Variants in RBFOX1 observed in about 807,000 individuals in gnomAD.
The protein encoded by RBFOX1 is RNA binding fox-1 homolog 1.
RBFOX1 carries 8 observed loss-of-function variants against 57.7 expected under a neutral mutation model. The ratio of observed to expected loss-of-function variants is 0.14; its 90% CI spans 0.08 to 0.25. The LOEUF (loss-of-function observed/expected upper bound fraction) is 0.25. RBFOX1 is among the 10% of genes least tolerant of loss of function. RBFOX1 has a pLI of 1.00. For missense variants in RBFOX1, 611 were observed against 548.5 expected (o/e 1.11, Z -1.14); for synonymous variants, 326 against 222.4 (o/e 1.47, Z -4.15).
At chr16:6,210,286 C>T (rs866956072) in intron 1 of RBFOX1, among the ~76,000 whole-genome samples, 48 of 134,230 alleles carry the variant, frequency 3.6e-4, no homozygotes, top group Middle Eastern at 4.4e-3. Context: ...CATTGCATTC[C>T]GGCCTGGGTG....
At chr16:7,504,069 AT>A (rs2071926233) in intron 4 of RBFOX1, among the ~76,000 whole-genome samples, 1 of 152,192 alleles carries the variant, frequency 6.6e-6, no homozygotes, top group Non-Finnish European at 1.5e-5. Context: ...TTATTTGAAA[AT>A]AAAAAATTAA....
intron 3 of RBFOX1, among the ~76,000 whole-genome samples, chr16:5,802,083 C>T (rs2055077488): frequency 6.6e-6 from 1 of 152,050 alleles, no homozygotes. Context: ...TGGAAGCAGA[C>T]GTGTAATAAG....
In RBFOX1 at chr16:5,856,023, A is replaced by T. The variant is rs184485249; in HGVS notation, c.319-11280A>T. 2.3e-3 allele frequency among the ~76,000 whole-genome samples: 243 copies of T among 107,800 alleles called. 2 individuals are homozygous for T. The highest frequency in any genetic ancestry group is 8.1e-3 in the African/African-American group (232 of 28,698). The allele number at this position is 107,800 out of a possible 152,430, so 70.7% of individuals were successfully genotyped here. A position where few individuals can be genotyped will look rare whatever the true frequency, so the allele number is the denominator to read the frequency against. On this transcript the variant is annotated intron_variant, in intron 3 of 19. Coordinates refer to the RBFOX1 transcript ENST00000641259. The stretch of plus-strand genomic sequence containing the variant: ...CTATCGTCAATAAGATTACTTTCCT[A>T]ATTTTCTTTCCAGTAGTTCATTCTT...
At position 7,688,180 on chromosome 16, in the gene RBFOX1, A is replaced by C. The variant is rs2076478809; in HGVS notation, c.995+11342A>C. Among the ~76,000 whole-genome samples, 2 of 150,906 alleles carry C rather than the reference A, an allele frequency of 1.3e-5. 1 individual carries two copies. Among genetic ancestry groups the C allele is most frequent in the South Asian group, 4.2e-4 (2 of 4,774 alleles). ...TACCAGGCCAGAAGACCAACTTCTC[A>C]GCTGTAGGGATTGCCTAGTAGGCAT... On this transcript the variant is annotated intron_variant, in intron 14 of 15. Transcript: ENST00000550418.
intron 11 of RBFOX1, among the ~76,000 whole-genome samples, chr16:7,641,531 A>C (rs1348135217): frequency 2.0e-5 from 3 of 152,218 alleles, no homozygotes; most frequent in African/African-American, 7.2e-5. Context: ...TATGCAACAT[A>C]GGCTCTTGAT....
At chr16:5,563,403 A>G (rs1243463374) in intron 2 of RBFOX1, among the ~76,000 whole-genome samples, 6 of 152,232 alleles carry the variant, frequency 3.9e-5, no homozygotes, top group Non-Finnish European at 8.8e-5. Flanking sequence ...TGGTATCGTT[A>G]TCTACTGAAC....
At chr16:5,812,395 C>T (rs530781517) in intron 3 of RBFOX1, among the ~76,000 whole-genome samples, 4 of 152,048 alleles carry the variant, frequency 2.6e-5, no homozygotes, top group Admixed American at 2.0e-4. Flanking sequence ...GTTACATTTC[C>T]ACCAGCAGTC....
intron 2 of RBFOX1, among the ~76,000 whole-genome samples, chr16:6,413,457 T>C (rs1175353543): frequency 6.6e-6 from 1 of 152,146 alleles, no homozygotes; most frequent in African/African-American, 2.4e-5. Flanking sequence ...AGCCACTGTG[T>C]CCAGCCAAAA....
At chr16:7,331,244 G>C (rs2096689705) in intron 4 of RBFOX1, among the ~76,000 whole-genome samples, 2 of 152,168 alleles carry the variant, frequency 1.3e-5, no homozygotes, top group African/African-American at 4.8e-5. Context: ...CCAATAGTTG[G>C]ATATGTTTGG....
At chr16:6,405,278 A>T (rs2093235842) in intron 2 of RBFOX1, among the ~76,000 whole-genome samples, 1 of 152,158 alleles carries the variant, frequency 6.6e-6, no homozygotes, top group South Asian at 2.1e-4. Context: ...TCCTCTGGAG[A>T]ATTTGATTTG....
chr16:6,399,806 T>C (rs1025243093), intron 2 of RBFOX1, among the ~76,000 whole-genome samples: 29 of 152,218 alleles, frequency 1.9e-4, no homozygotes, highest in African/African-American at 7.0e-4. Context: ...CAGTTCCACA[T>C]GGCTAAGGAG....
chr16:5,905,624 G>A (rs2058438269), intron 4 of RBFOX1, among the ~76,000 whole-genome samples: 1 of 152,118 alleles, frequency 6.6e-6, no homozygotes, highest in Non-Finnish European at 1.5e-5. Flanking sequence ...GAGCCTAGGA[G>A]GTCAAGGCTG....
At chr16:6,285,829 C>T (rs1567852096) in intron 1 of RBFOX1, among the ~76,000 whole-genome samples, 2 of 152,118 alleles carry the variant, frequency 1.3e-5, no homozygotes, top group Admixed American at 1.3e-4. Flanking sequence ...GGATCCCATC[C>T]AGAAGCATCT....
At chr16:6,384,165 T>C (rs2092072247) in intron 2 of RBFOX1, among the ~76,000 whole-genome samples, 1 of 152,014 alleles carries the variant, frequency 6.6e-6, no homozygotes, top group Admixed American at 6.5e-5. Flanking sequence ...AATCTAAGTA[T>C]TCAAGGTTAA....
chr16:6,904,014 C>T (rs1050513982), intron 3 of RBFOX1, among the ~76,000 whole-genome samples: 9 of 152,088 alleles, frequency 5.9e-5, no homozygotes, highest in Non-Finnish European at 1.0e-4. Context: ...CAAAACACAG[C>T]CTACAAATGC....
At position 6,566,191 on chromosome 16, in the gene RBFOX1, G is replaced by A. The variant is rs151199413; in HGVS notation, c.-63-88412G>A. 5.5e-3 allele frequency among the ~76,000 whole-genome samples: 838 copies of A among 152,276 alleles called. 7 individuals are homozygous for A. The highest frequency in any genetic ancestry group is 8.9e-3 in the Non-Finnish European group (603 of 68,020). On this transcript the variant is annotated intron_variant, in intron 2 of 15. Transcript: ENST00000550418. ...TAGGCAAGGAGGTACAATCACCTCC[G>A]TTGTTTTGAAGGAGAAACATAATTT...
At chr16:6,615,288 T>C (rs965301681) in intron 2 of RBFOX1, among the ~76,000 whole-genome samples, 1 of 152,172 alleles carries the variant, frequency 6.6e-6, no homozygotes, top group African/African-American at 2.4e-5. Context: ...CCAAAATACA[T>C]TCGTATTTAA....
intron 4 of RBFOX1, among the ~76,000 whole-genome samples, chr16:5,897,016 C>CTTCTTTTTTTTTT (rs2058182237): frequency 1.8e-5 from 1 of 56,460 alleles, no homozygotes; most frequent in African/African-American, 7.7e-5. Context: ...TATCCATCCG[C>CTTCTTTTTTTTTT]TTTTTTTTTT....
intron 10 of RBFOX1, among the ~76,000 whole-genome samples, chr16:7,608,042 C>T (rs2056693173): frequency 6.6e-6 from 1 of 152,206 alleles, no homozygotes; most frequent in African/African-American, 2.4e-5. Context: ...TCACTACTGC[C>T]TGTATGTCTC....
Sources: allele counts gnomAD v4.1 joint callset (sites outside exome capture counted in the v4.1 genomes callset), GRCh38; gene constraint gnomAD v4.1.1; transcripts MANE v1.5; gene names NCBI Gene and HGNC (gene_info 2026-07-23, HGNC 2026-07-21).